The following ROCK2 variants were observed in gnomAD, a reference collection of about 807,000 sequenced individuals.
ROCK2 encodes rho-associated protein kinase 2.
In ROCK2, 61 loss-of-function variants were observed where a neutral mutation model predicts 195.1. That is an observed-to-expected ratio of 0.31 (90% CI 0.25 to 0.39). The LOEUF (loss-of-function observed/expected upper bound fraction) is 0.39, where lower values mean the gene tolerates loss of function less well. ROCK2 is among the 10% of genes least tolerant of loss of function. ROCK2 has a pLI of 1.00. For missense variants in ROCK2, 1,109 were observed against 1,637.4 expected (o/e 0.68, Z 5.57); for synonymous variants, 504 against 545.5 (o/e 0.92, Z 1.06).
In ROCK2 at chr2:11,197,585, G is replaced by A. The variant is rs1439267406; in HGVS notation, c.3220C>T (p.Arg1074Cys). ...ATCATCTGCTGGGTCAATTTCTCAC[G>A]TTCAGATTTAAGCTCCATATGTAGC... ...RKLHMELKSE[R>C]EKLTQQMIKY... Residue 1074 changes from arginine to cysteine, a missense_variant, in exon 26 of 33, where the codon CGT becomes TGT. Physicochemically the swap from Arg to Cys is radical, Grantham distance 180. Transcript: ENST00000315872. This position sits in a 1 kb window ranked among gnomAD's most constrained non-coding sequence, Gnocchi z 4.9. The A allele has an allele frequency of 6.2e-7, 1 of 1,613,586 alleles. No individual in the cohort carries two copies. Among genetic ancestry groups the A allele is most frequent in the Non-Finnish European group, 8.5e-7 (1 of 1,179,798 alleles).
chr2:11,330,398 A>C (rs1476106119), intron 1 of ROCK2, among the ~76,000 whole-genome samples: 1 of 152,162 alleles, frequency 6.6e-6, no homozygotes, highest in African/African-American at 2.4e-5. Context: ...ATAACTCTAA[A>C]ACAACAAAGT....
chr2:11,291,792 T>C (rs1367843634), intron 1 of ROCK2, among the ~76,000 whole-genome samples: 1 of 152,142 alleles, frequency 6.6e-6, no homozygotes, highest in Non-Finnish European at 1.5e-5. Context: ...CTGGGTAAGA[T>C]CACCAGAGGA....
chr2:11,329,100 C>CAA lies in ROCK2; in HGVS notation c.141+14894_141+14895dup, dbSNP rs5829299. On this transcript the variant is annotated intron_variant, in intron 1 of 32. Coordinates refer to ENST00000315872, the MANE Select transcript of ROCK2 (RefSeq NM_004850.5). ...TTTTTAAAAATGCAAAAAAAAGAAA[C>CAA]AAAAAAAAATACACTTGAAATTAAA... is the stretch of plus-strand genomic sequence containing the variant. Among the ~76,000 whole-genome samples, 1,399 of 149,878 alleles carry CAA rather than the reference C, an allele frequency of 9.3e-3. 21 individuals are homozygous for CAA. The highest frequency in any genetic ancestry group is 0.032 in the African/African-American group (1,321 of 40,882).
chr2:11,295,506 T>A lies in ROCK2; in HGVS notation c.142-7770A>T, dbSNP rs536417370. On this transcript the variant is annotated intron_variant, in intron 1 of 32. Coordinates refer to ENST00000315872, the MANE Select transcript of ROCK2 (RefSeq NM_004850.5). ...AAGGCCTGCTGGTTTTATGTTTTAT[T>A]AATTTTCCTATTTGGTGCTCACAGT... 2.0e-5 allele frequency among the ~76,000 whole-genome samples: 3 copies of A among 152,336 alleles called. No homozygotes were observed. In the South Asian group the frequency reaches 6.2e-4, roughly 32 times the overall value.
At chr2:11,252,860 G>A (rs1665883996) in intron 3 of ROCK2, among the ~76,000 whole-genome samples, 1 of 151,780 alleles carries the variant, frequency 6.6e-6, no homozygotes, top group African/African-American at 2.4e-5. Context: ...AGGTTGATGG[G>A]TGCAGCAAAC....
intron 3 of ROCK2, among the ~76,000 whole-genome samples, chr2:11,267,457 C>T (rs983922513): frequency 8.6e-5 from 13 of 151,704 alleles, no homozygotes; most frequent in Non-Finnish European, 1.5e-4. Context: ...CCCACTCTCC[C>T]GACCACAGTA....
intron 7 of ROCK2, 140 bp downstream of exon 7, chr2:11,224,182 G>A: frequency 1.3e-6 from 1 of 775,840 alleles, no homozygotes; most frequent in Non-Finnish European, 2.0e-6. Context: ...CTTAGCAGAA[G>A]GAAAAGGCTA....
At chr2:11,277,951 A>G (rs1382360822) in intron 3 of ROCK2, among the ~76,000 whole-genome samples, 45 of 152,148 alleles carry the variant, frequency 3.0e-4, no homozygotes, top group Non-Finnish European at 1.5e-4. Flanking sequence ...CTTTCATAAA[A>G]ATTTTATTTT....
chr2:11,187,503 G>A (rs565486607), intron 32 of ROCK2, among the ~76,000 whole-genome samples: 73 of 152,170 alleles, frequency 4.8e-4, no homozygotes, highest in South Asian at 6.2e-4. Context: ...TGAGATAAAG[G>A]GGGACTACTG....
At chr2:11,309,854 G>A (rs560565835) in intron 1 of ROCK2, among the ~76,000 whole-genome samples, 2 of 152,076 alleles carry the variant, frequency 1.3e-5, no homozygotes, top group Non-Finnish European at 2.9e-5. Context: ...GTGGCGTTAT[G>A]CCTGTAGTCC....
intron 3 of ROCK2, among the ~76,000 whole-genome samples, chr2:11,269,021 G>A (rs566259741): frequency 2.6e-4 from 39 of 152,056 alleles, no homozygotes; most frequent in African/African-American, 6.0e-4. Context: ...TTCTTCTGCC[G>A]GCTCAAATCT....
chr2:11,320,446 G>A (rs1045158672), intron 1 of ROCK2, among the ~76,000 whole-genome samples: 2 of 152,158 alleles, frequency 1.3e-5, no homozygotes, highest in Non-Finnish European at 2.9e-5. Context: ...TAAATGTAAG[G>A]AAGACACCAA....
intron 5 of ROCK2, among the ~76,000 whole-genome samples, chr2:11,229,429 G>A (rs1664923009): frequency 6.6e-6 from 1 of 152,018 alleles, no homozygotes; most frequent in South Asian, 2.1e-4. Flanking sequence ...TTTACCAACA[G>A]TGGGTGGGTG....
chr2:11,305,126 A>C (rs1278221816), intron 1 of ROCK2, among the ~76,000 whole-genome samples: 4 of 152,222 alleles, frequency 2.6e-5, no homozygotes, highest in African/African-American at 9.6e-5. Context: ...CTGTAATCCC[A>C]ACACTTTGGG....
chr2:11,324,034 T>C (rs753338304), intron 1 of ROCK2, among the ~76,000 whole-genome samples: 39 of 152,244 alleles, frequency 2.6e-4, no homozygotes, highest in Non-Finnish European at 5.4e-4. Flanking sequence ...ACTGATCTTT[T>C]TGCTGGTTCC....
At chr2:11,255,216 CAAAA>C (rs70953375) in intron 3 of ROCK2, among the ~76,000 whole-genome samples, 2,174 of 109,160 alleles carry the variant, frequency 0.02, 27 homozygotes, top group Non-Finnish European at 0.025. Flanking sequence ...GACCCCATCT[CAAAA>C]AAAAAAAAAA....
At chr2:11,199,078 T>C (rs1663751273) in intron 23 of ROCK2, among the ~76,000 whole-genome samples, 1 of 151,764 alleles carries the variant, frequency 6.6e-6, no homozygotes, top group Non-Finnish European at 1.5e-5. Flanking sequence ...TTTTTATAGT[T>C]TTAGTAGAGA....
intron 3 of ROCK2, among the ~76,000 whole-genome samples, chr2:11,250,312 T>C (rs888858342): frequency 3.3e-5 from 5 of 152,220 alleles, no homozygotes; most frequent in African/African-American, 9.6e-5. Flanking sequence ...TTTTTTTGTT[T>C]GTTTGTGTTT....
chr2:11,339,444 C>T (rs1226616054), intron 1 of ROCK2, among the ~76,000 whole-genome samples: 1 of 150,896 alleles, frequency 6.6e-6, no homozygotes, highest in Non-Finnish European at 1.5e-5. Context: ...TAAAATCCAG[C>T]AATTCCACTC....
Sources: allele counts gnomAD v4.1 joint callset (sites outside exome capture counted in the v4.1 genomes callset), GRCh38; gene constraint gnomAD v4.1.1; non-coding constraint Gnocchi (gnomAD v3.1); transcripts MANE v1.5; gene names NCBI Gene and HGNC (gene_info 2026-07-23, HGNC 2026-07-21).